The following USP3 variants were observed in gnomAD, a reference collection of about 807,000 sequenced individuals.
USP3 encodes ubiquitin carboxyl-terminal hydrolase 3.
A neutral mutation model predicts 72.3 loss-of-function variants in USP3; 20 were observed. The observed-to-expected ratio is 0.28, with a 90% CI of 0.19 to 0.40. The LOEUF is 0.40. USP3 is among the 10% of genes least tolerant of loss of function. The pLI is 1.00. For synonymous variants in USP3, 222 were observed against 225.3 expected, an observed-to-expected ratio of 0.99 and a Z score of 0.13; for missense variants, 479 against 633.9, an observed-to-expected ratio of 0.76 and a Z score of 2.62.
chr15:63,532,823 A>C, intron 2 of USP3, 116 bp downstream of exon 2: 1 of 1,102,390 alleles, frequency 9.1e-7, no homozygotes, highest in South Asian at 1.4e-5. Flanking sequence ...ATAATGCATA[A>C]TTCCCTGTAG....
intron 11 of USP3, among the ~76,000 whole-genome samples, chr15:63,585,730 C>A (rs2067044961): frequency 6.6e-6 from 1 of 150,716 alleles, no homozygotes; most frequent in African/African-American, 2.4e-5. Context: ...CCTATGTTAT[C>A]TTCTAAAAGT....
chr15:63,535,996 T>C (rs2152660928), intron 2 of USP3, among the ~76,000 whole-genome samples: 1 of 152,358 alleles, frequency 6.6e-6, no homozygotes, highest in Middle Eastern at 3.4e-3. Context: ...TGGTGGTTAG[T>C]GACAGAATTG....
chr15:63,580,672 A>C (rs112344145), intron 11 of USP3, among the ~76,000 whole-genome samples: 2 of 56,504 alleles, frequency 3.5e-5, no homozygotes, highest in Admixed American at 1.4e-4. Flanking sequence ...TATATATATG[A>C]ATATATAATA....
chr15:63,504,715 C>T lies in USP3; in HGVS notation c.-25C>T, dbSNP rs1368581342. 2 of 1,584,688 alleles carry T rather than the reference C, an allele frequency of 1.3e-6. No individual in the cohort carries two copies. ...CCTCGCCGGGTCCTGGAGCCGCAGT[C>T]CTCCCAGCTGCCCTCCTCGTGGCCA... On this transcript the variant is annotated 5_prime_UTR_variant, in exon 1 of 15. Coordinates refer to ENST00000380324, the MANE Select transcript of USP3 (RefSeq NM_006537.4).
At chr15:63,509,134 T>A (rs888315074) in intron 1 of USP3, among the ~76,000 whole-genome samples, 1 of 152,216 alleles carries the variant, frequency 6.6e-6, no homozygotes, top group Non-Finnish European at 1.5e-5. Context: ...TTTTGTATCG[T>A]ATTTCTCCAC....
At chr15:63,514,223 TA>T (rs900785354) in intron 1 of USP3, among the ~76,000 whole-genome samples, 1 of 152,140 alleles carries the variant, frequency 6.6e-6, no homozygotes, top group African/African-American at 2.4e-5. Context: ...GAGCCTCATT[TA>T]AAAAATATAT....
Position 63,529,052 on chromosome 15 carries a change from C to T in USP3, c.92-3595C>T. On this transcript the variant is annotated intron_variant, in intron 1 of 14. Coordinates refer to ENST00000380324, the MANE Select transcript of USP3 (RefSeq NM_006537.4). This position sits in a 1 kb window ranked among gnomAD's most constrained non-coding sequence, Gnocchi z 4.2. Reference sequence around the variant, plus strand: ...ATCTGGTGTGACTGTATTATGCCCTCAGAGAGTACTGTATGTTGCCCAGGC... The same window carrying T: ...ATCTGGTGTGACTGTATTATGCCCTTAGAGAGTACTGTATGTTGCCCAGGC... 7.8e-7 allele frequency: 1 copy of T among 1,288,932 alleles called. No homozygotes were observed. The highest frequency in any genetic ancestry group is 1.0e-6 in the Non-Finnish European group (1 of 988,574). The allele number at this position is 1,288,932 out of a possible 1,614,324, so 79.8% of individuals were successfully genotyped here.
At chr15:63,527,122 C>T (rs770441939) in intron 1 of USP3, among the ~76,000 whole-genome samples, 1 of 152,184 alleles carries the variant, frequency 6.6e-6, no homozygotes, top group South Asian at 2.1e-4. Flanking sequence ...GTCTTGAACT[C>T]CTGGGCTCAA....
In USP3 at chr15:63,558,196, T is replaced by C. The variant is rs1183769089; in HGVS notation, c.533+8T>C. ...CATCCTTCAGTCACTCAGGTAACGC[T>C]ACAGTCAGAGCTTAAGTGTCTGACA... On this transcript the variant is annotated splice_region_variant and intron_variant, in intron 6 of 14. Coordinates refer to ENST00000380324, the MANE Select transcript of USP3 (RefSeq NM_006537.4). The C allele has an allele frequency of 1.9e-6, 3 of 1,613,914 alleles. No homozygotes were observed. The highest frequency in any genetic ancestry group is 2.5e-6 in the Non-Finnish European group (3 of 1,179,956).
chr15:63,562,631 GT>G (rs1388278618), intron 7 of USP3, among the ~76,000 whole-genome samples: 9 of 152,218 alleles, frequency 5.9e-5, no homozygotes, highest in Admixed American at 2.0e-4. Context: ...TTGCTTGCGT[GT>G]TTTAACTCAA....
Position 63,573,168 on chromosome 15 carries a change from T to C in USP3, c.909-878T>C, listed in dbSNP as rs1161544707. On this transcript the variant is annotated intron_variant, in intron 9 of 14. Transcript: ENST00000380324. The stretch of plus-strand genomic sequence containing the variant: ...TAAGATACACACTTAGGGAAAAACA[T>C]AAAAGTAAGAAGCAGGTGTAATCTG... 2.0e-5 allele frequency among the ~76,000 whole-genome samples: 3 copies of C among 152,138 alleles called. No homozygotes were observed. In the East Asian group the frequency reaches 5.8e-4, roughly 29 times the overall value.
intron 3 of USP3, chr15:63,542,333 T>C (rs531532464): frequency 4.3e-4 from 148 of 346,454 alleles, no homozygotes; most frequent in African/African-American, 3.2e-3. Flanking sequence ...GACTGCTAGC[T>C]ACTATTGGAC....
intron 8 of USP3, among the ~76,000 whole-genome samples, chr15:63,566,323 A>C (rs1237150640): frequency 1.6e-4 from 23 of 142,220 alleles, no homozygotes; most frequent in Admixed American, 1.6e-3. Flanking sequence ...TTTTAATTTT[A>C]TTTTTTATTT....
intron 11 of USP3, among the ~76,000 whole-genome samples, chr15:63,577,709 G>A (rs940854192): frequency 6.6e-6 from 1 of 152,180 alleles, no homozygotes; most frequent in Non-Finnish European, 1.5e-5. Flanking sequence ...CTGAAATCGT[G>A]CAACCGCACT....
chr15:63,522,855 A>C (rs35360863), intron 1 of USP3, among the ~76,000 whole-genome samples: 114,408 of 152,072 alleles, frequency 0.75, 44,626 homozygotes, highest in Non-Finnish European at 0.81. Flanking sequence ...AGTAGATACC[A>C]AGGGTATATT....
In USP3 at chr15:63,590,751, G is replaced by A; in HGVS notation, c.1488G>A (p.Glu496=). Residue 496 remains glutamate, a synonymous_variant, in exon 15 of 15, where the codon GAG becomes GAA. Coordinates refer to ENST00000380324, the MANE Select transcript of USP3 (RefSeq NM_006537.4). ...GTACTGTAACACTGACTGACGAGGA[G>A]ACTGTGGTGAAGGCGAAGGCCTACA... ...NDSTVTLTDE[E]TVVKAKAYIL... 1 of 1,614,150 alleles carries A rather than the reference G, an allele frequency of 6.2e-7. No individual in the cohort carries two copies. Among genetic ancestry groups the A allele is most frequent in the African/African-American group, 1.3e-5 (1 of 75,054 alleles).
intron 2 of USP3, among the ~76,000 whole-genome samples, chr15:63,534,908 TTTTATTTGTTTA>T (rs1476454550): frequency 1.4e-4 from 16 of 112,516 alleles, no homozygotes; most frequent in Non-Finnish European, 2.2e-4. Flanking sequence ...AGAGTTTGCC[TTTTATTTGTTTA>T]TTTATTTATT....
rs2066759646 is a variant in USP3 at position 63,570,385 on chromosome 15, CA to C, written c.762-45del. ...GGCCTCTTGCTGGTGTGGCTGGGCA[CA>C]AAGAGCCCTCCACCCGGCCTTATAA... On this transcript the variant is annotated intron_variant, in intron 8 of 14. Transcript: ENST00000380324. The surrounding 1 kb of genome is among the most constrained non-coding windows in gnomAD (Gnocchi z 4.4). 6.2e-6 allele frequency: 10 copies of C among 1,610,914 alleles called. No homozygotes were observed. The highest frequency in any genetic ancestry group is 4.0e-5 in the African/African-American group (3 of 74,802).
In USP3 at chr15:63,553,110, G is replaced by A. The variant is rs1222452487; in HGVS notation, c.285-605G>A. Among the ~76,000 whole-genome samples the A allele has an allele frequency of 6.6e-6, 1 of 152,178 alleles. No individual in the cohort carries two copies. The highest frequency in any genetic ancestry group is 1.5e-5 in the Non-Finnish European group (1 of 68,018). Reference sequence around the variant, plus strand: ...ATATTTTTCTTCAAAGCACTTATCAGTTGCCTGAATGATATAGCCACTATT... The same window carrying A: ...ATATTTTTCTTCAAAGCACTTATCAATTGCCTGAATGATATAGCCACTATT... On this transcript the variant is annotated intron_variant, in intron 3 of 14. Coordinates refer to ENST00000380324, the MANE Select transcript of USP3 (RefSeq NM_006537.4). This position sits in a 1 kb window ranked among gnomAD's most constrained non-coding sequence, Gnocchi z 4.2.
Sources: gnomAD v4.1 joint callset for allele counts (sites outside exome capture counted in the v4.1 genomes callset) on GRCh38, gnomAD v4.1.1 for gene constraint, Gnocchi (gnomAD v3.1) non-coding constraint, MANE v1.5 for transcripts, NCBI Gene and HGNC (gene_info 2026-07-23, HGNC 2026-07-21) for gene names.